Variants in PKD1L1 observed in about 807,000 individuals in gnomAD.
The protein encoded by PKD1L1 is polycystin-1-like protein 1.
Under a neutral mutation model 323.4 loss-of-function variants are expected in PKD1L1, and 236 were observed. The ratio of observed to expected loss-of-function variants is 0.73; its 90% CI spans 0.66 to 0.81. The LOEUF is 0.81. Ranked by LOEUF, PKD1L1 falls within the 40% of genes least tolerant of loss-of-function variation. PKD1L1 has a pLI of 0.00. For missense variants in PKD1L1, 3,320 were observed against 3,508.0 expected (o/e 0.95, Z 1.35); for synonymous variants, 1,344 against 1,335.0 (o/e 1.01, Z -0.15).
intron 42 of PKD1L1, 108 bp from the exon 43 acceptor site, chr7:47,830,232 G>A: frequency 2.3e-6 from 2 of 874,730 alleles, no homozygotes; most frequent in South Asian, 1.6e-5. Context: ...CTATGGCCTC[G>A]CCGTGGCAGG....
At chr7:47,859,609 C>T (rs2128742620) in intron 26 of PKD1L1, among the ~76,000 whole-genome samples, 1 of 148,588 alleles carries the variant, frequency 6.7e-6, no homozygotes, top group African/African-American at 2.5e-5. Flanking sequence ...CTCCCAAGTG[C>T]TGGGACTAAA....
Position 47,837,045 on chromosome 7 carries a change from AGC to A in PKD1L1, c.5817_5818del (p.Trp1939CysfsTer94). On this transcript the variant is annotated frameshift_variant, in exon 37 of 57. Coordinates refer to ENST00000289672, the MANE Select transcript of PKD1L1 (RefSeq NM_138295.5). LOFTEE classifies it high-confidence loss of function. ...GGAGGAGGGCCTGCTGTACACCGAC[AGC>A]CAGACATGGAAATCCTCCAGGTACT... 1 of 1,614,210 alleles carries A rather than the reference AGC, an allele frequency of 6.2e-7. No individual in the cohort carries two copies. Among genetic ancestry groups the A allele is most frequent in the Non-Finnish European group, 8.5e-7 (1 of 1,180,042 alleles).
Position 47,809,529 on chromosome 7 carries a change from G to A in PKD1L1, c.7630C>T (p.Arg2544Cys), listed in dbSNP as rs772221646. The change falls in exon 51 of 57, where the codon CGT (arginine) becomes TGT (cysteine). Residue 2544 changes from arginine to cysteine, a missense_variant. Arg to Cys is a radical substitution (Grantham distance 180, BLOSUM62 -3). Coordinates refer to ENST00000289672, the MANE Select transcript of PKD1L1 (RefSeq NM_138295.5). Reference sequence around the variant, plus strand: ...CTGAGGACGCCCTTGTCCATCATACGGTAGAGTTGAACACAGAGGTGGATC... The same window carrying A: ...CTGAGGACGCCCTTGTCCATCATACAGTAGAGTTGAACACAGAGGTGGATC... The part of the protein sequence containing the change: ...SLIHLCVQLY[R>C]MMDKGVLSYW... The A allele has an allele frequency of 5.6e-6, 9 of 1,609,396 alleles. No individual in the cohort carries two copies. The highest frequency in any genetic ancestry group is 2.2e-5 in the East Asian group (1 of 44,724).
chr7:47,813,270 G>A lies in PKD1L1; in HGVS notation c.7197C>T (p.Leu2399=). The A allele has an allele frequency of 6.2e-7, 1 of 1,614,164 alleles. No individual in the cohort carries two copies. Among genetic ancestry groups the A allele is most frequent in the Non-Finnish European group, 8.5e-7 (1 of 1,180,024 alleles). Residue 2399 remains leucine, a synonymous_variant, in exon 49 of 57, where the codon CTC becomes CTT. Transcript: ENST00000289672. ...LCKPPRPFSA[L]IEDSIPTCSP... ...TACATGTAGGAATAGAGTCTTCGAT[G>A]AGTGCTGAAAATGGCCTGGGAGGCT...
intron 55 of PKD1L1, among the ~76,000 whole-genome samples, chr7:47,794,103 C>T (rs1347220594): frequency 6.6e-6 from 1 of 152,180 alleles, no homozygotes; most frequent in Admixed American, 6.5e-5. Flanking sequence ...AATTTGCAGC[C>T]TGACAATGCA....
upstream of PKD1L1, among the ~76,000 whole-genome samples, chr7:47,948,845 T>TA (rs1255432891): frequency 2.0e-5 from 3 of 151,804 alleles, no homozygotes; most frequent in Non-Finnish European, 4.4e-5. Flanking sequence ...TAATCCCAGT[T>TA]ACCCAGGAGG....
Position 47,837,191 on chromosome 7 carries a change from G to A in PKD1L1, c.5770-97C>T, listed in dbSNP as rs544518259. 231 of 1,367,452 alleles carry A rather than the reference G, an allele frequency of 1.7e-4. 3 individuals are homozygous for A. In the South Asian group the frequency reaches 2.9e-3, roughly 17 times the overall value. 84.7% of individuals were successfully genotyped at this position (1,367,452 alleles called of 1,614,324 possible). A position where few individuals can be genotyped will look rare whatever the true frequency, so the allele number is the denominator to read the frequency against. On this transcript the variant is annotated intron_variant, in intron 36 of 56. Transcript: ENST00000289672. ...CAGTGATCTTCTGAGCAGAGACCACGAGCTTTCTGGTTCTTCCATCCTAGC... is the reference window on the plus strand; with the variant it reads ...CAGTGATCTTCTGAGCAGAGACCACAAGCTTTCTGGTTCTTCCATCCTAGC...
rs763368636 is a variant in PKD1L1 at position 47,890,705 on chromosome 7, T to C, written c.2512A>G (p.Thr838Ala). ...SPAHPCFDSS[T>A]AHQLDAAAPT... ...GCCGCGGCATCCAGTTGGTGTGCAG[T>C]GGAGGAGTCGAAGCAGGGATGTGCT... Residue 838 changes from threonine to alanine, a missense_variant, in exon 16 of 57, where the codon ACT becomes GCT. Physicochemically the swap from Thr to Ala is moderately conservative, Grantham distance 58 (BLOSUM62 0). Coordinates refer to ENST00000289672, the MANE Select transcript of PKD1L1 (RefSeq NM_138295.5). 6.1e-5 allele frequency: 99 copies of C among 1,613,380 alleles called. No individual in the cohort carries two copies. Among genetic ancestry groups the C allele is most frequent in the Non-Finnish European group, 7.5e-5 (88 of 1,180,008 alleles).
At chr7:47,880,284 A>ATATATATAT (rs1225214936) in intron 21 of PKD1L1, among the ~76,000 whole-genome samples, 169 of 56,782 alleles carry the variant, frequency 3.0e-3, no homozygotes, top group Non-Finnish European at 4.4e-3. Flanking sequence ...ATATATATAT[A>ATATATATAT]TTTTTTTTTT....
chr7:47,855,947 G>A (rs1363629321), intron 28 of PKD1L1, among the ~76,000 whole-genome samples: 1 of 150,640 alleles, frequency 6.6e-6, no homozygotes, highest in Non-Finnish European at 1.5e-5. Flanking sequence ...TAGTCCCATT[G>A]CTCATAGAAA....
intron 31 of PKD1L1, among the ~76,000 whole-genome samples, chr7:47,851,564 A>G (rs1044146525): frequency 3.9e-5 from 6 of 152,156 alleles, no homozygotes; most frequent in Non-Finnish European, 8.8e-5. Context: ...CTATGTACCT[A>G]TATCACCCAT....
chr7:47,876,778 TC>T (rs1438283312), intron 22 of PKD1L1, among the ~76,000 whole-genome samples: 1 of 152,044 alleles, frequency 6.6e-6, no homozygotes, highest in Admixed American at 6.5e-5. Context: ...GAGGCATTCA[TC>T]TTTTTTTAAA....
chr7:47,929,189 C>A lies in PKD1L1; in HGVS notation c.1060+15G>T. 6.2e-7 allele frequency: 1 copy of A among 1,609,936 alleles called. No individual in the cohort carries two copies. The highest frequency in any genetic ancestry group is 8.5e-7 in the Non-Finnish European group (1 of 1,177,120). On this transcript the variant is annotated intron_variant, in intron 7 of 56. Transcript: ENST00000289672. ...CTCCTTCCCAGGCTCCTGATAAGGA[C>A]ACCATGCACCTTACCTTTTGAGTAC... is the stretch of plus-strand genomic sequence containing the variant.
chr7:47,847,104 C>T (rs1456785777), intron 31 of PKD1L1, 33 bp from the exon 32 acceptor site: 1 of 1,517,014 alleles, frequency 6.6e-7, no homozygotes, highest in African/African-American at 1.4e-5. Context: ...AAAAGTACAA[C>T]CTGAGGTTTG....
chr7:47,859,438 G>A (rs6463452), intron 26 of PKD1L1, among the ~76,000 whole-genome samples: 86,652 of 151,746 alleles, frequency 0.57, 24,819 homozygotes, highest in Admixed American at 0.61. Context: ...ATCCAATCCT[G>A]CTTTTCTCTC....
intron 38 of PKD1L1, 21 bp downstream of exon 38, chr7:47,835,112 A>G (rs756826378): frequency 6.2e-7 from 1 of 1,602,982 alleles, no homozygotes; most frequent in South Asian, 1.1e-5. Context: ...GAACAGGGCC[A>G]TGAGGACAAG....
intron 26 of PKD1L1, among the ~76,000 whole-genome samples, chr7:47,859,713 G>A (rs895599077): frequency 6.7e-6 from 1 of 148,524 alleles, no homozygotes; most frequent in South Asian, 2.1e-4. Context: ...TGCATCCTCC[G>A]CCTCCTGGGT....
chr7:47,843,297 CT>C (rs1032377436), intron 33 of PKD1L1, 128 bp from the exon 34 acceptor site: 6 of 730,890 alleles, frequency 8.2e-6, no homozygotes, highest in Admixed American at 2.9e-5. Flanking sequence ...CATTTTTACA[CT>C]TGCTGGAAGC....
chr7:47,838,847 C>T (rs1653997978), intron 36 of PKD1L1, among the ~76,000 whole-genome samples: 1 of 126,462 alleles, frequency 7.9e-6, no homozygotes, highest in African/African-American at 3.1e-5. Context: ...CACTGCACTC[C>T]AGCCTGGCAG....
Sources: allele counts gnomAD v4.1 joint callset (sites outside exome capture counted in the v4.1 genomes callset), GRCh38; gene constraint gnomAD v4.1.1; transcripts MANE v1.5; gene names NCBI Gene and HGNC (gene_info 2026-07-23, HGNC 2026-07-21).